The following CSMD1 variants were observed in gnomAD, a reference collection of about 807,000 sequenced individuals.
CSMD1 encodes the protein CUB and sushi domain-containing protein 1.
In CSMD1, 213 loss-of-function variants were observed where a neutral mutation model predicts 417.5. The ratio of observed to expected loss-of-function variants is 0.51; its 90% confidence interval spans 0.46 to 0.57. CSMD1 has a LOEUF of 0.57. Ranked by LOEUF, CSMD1 falls within the 20% of genes least tolerant of loss-of-function variation. CSMD1 has a pLI of 0.00. For synonymous variants in CSMD1, 2,862 were observed against 1,736.8 expected, an observed-to-expected ratio of 1.65 and a Z score of -16.11; for missense variants, 6,923 against 4,529.7, an observed-to-expected ratio of 1.53 and a Z score of -15.17.
rs972351180 is a variant in CSMD1 at position 4,724,696 on chromosome 8, A to G, written c.86-87138T>C. Among the ~76,000 whole-genome samples the G allele has an allele frequency of 2.0e-5, 3 of 152,112 alleles. No homozygotes were observed. The East Asian group carries it at 5.8e-4, about 29-fold the overall frequency. The stretch of plus-strand genomic sequence containing the variant: ...TTTGTATTTTAAATTATTGAACACC[A>G]TTCTAAAAGATGTATCTTGGTAAGA... On this transcript the variant is annotated intron_variant, in intron 1 of 69. Transcript: ENST00000635120.
chr8:4,325,805 T>A (rs982277630), intron 3 of CSMD1, among the ~76,000 whole-genome samples: 2 of 152,144 alleles, frequency 1.3e-5, no homozygotes, highest in African/African-American at 4.8e-5. Flanking sequence ...TTTAAAATGC[T>A]GATGACCCTG....
intron 3 of CSMD1, among the ~76,000 whole-genome samples, chr8:4,120,237 G>C (rs1802405257): frequency 6.6e-6 from 1 of 152,130 alleles, no homozygotes; most frequent in African/African-American, 2.4e-5. Flanking sequence ...TGACAGCCAT[G>C]ACTCCTGGGG....
At position 3,786,363 on chromosome 8, in the gene CSMD1, T is replaced by A. The variant is rs1240901837; in HGVS notation, c.819-32321A>T. ...ACTGAGACCACGGGCTTGGGTGACC[T>A]CATTTAGGGAGATACTAGAGTGAGA... On this transcript the variant is annotated intron_variant, in intron 5 of 69. Coordinates refer to ENST00000635120, the MANE Select transcript of CSMD1 (RefSeq NM_033225.6). Among the ~76,000 whole-genome samples, 3 of 152,070 alleles carry A rather than the reference T, an allele frequency of 2.0e-5. No individual in the cohort carries two copies. In the East Asian group the frequency reaches 5.8e-4, roughly 29 times the overall value.
At chr8:3,372,208 A>C (rs17393453) in intron 18 of CSMD1, among the ~76,000 whole-genome samples, 2 of 152,062 alleles carry the variant, frequency 1.3e-5, no homozygotes, top group South Asian at 2.1e-4. Flanking sequence ...GAGACAAAGG[A>C]AACAGTGAAT....
At chr8:4,834,919 T>C (rs1057132159) in intron 1 of CSMD1, among the ~76,000 whole-genome samples, 31 of 115,718 alleles carry the variant, frequency 2.7e-4, no homozygotes, top group Admixed American at 2.6e-4. Flanking sequence ...ATGGCGCCAC[T>C]GCACTCCAGC....
chr8:3,064,357 T>C (rs535636744), intron 49 of CSMD1, among the ~76,000 whole-genome samples: 5 of 152,310 alleles, frequency 3.3e-5, no homozygotes, highest in South Asian at 2.1e-4. Flanking sequence ...TTTGAAAGCC[T>C]GTGGCATTTC....
At chr8:3,712,141 T>G (rs761625461) in intron 6 of CSMD1, among the ~76,000 whole-genome samples, 109 of 122,926 alleles carry the variant, frequency 8.9e-4, no homozygotes, top group Non-Finnish European at 1.4e-3. Context: ...CTCTCCTGAG[T>G]TGTAATTTGT....
intron 2 of CSMD1, among the ~76,000 whole-genome samples, chr8:4,467,732 G>A (rs992636066): frequency 3.3e-5 from 5 of 152,186 alleles, no homozygotes; most frequent in Admixed American, 6.5e-5. Flanking sequence ...AAGCCCAATG[G>A]TAAAGCTAAA....
rs566624150 is a variant in CSMD1, at chr8:4,075,108, T to C, written c.416-43009A>G. On this transcript the variant is annotated intron_variant, in intron 3 of 69. Transcript: ENST00000635120. ...CAGTATTATTAGACAAAGAACAAAG[T>C]TGAATACAGTAAATATCAAAATGAT... Among the ~76,000 whole-genome samples, 46 of 152,204 alleles carry C rather than the reference T, an allele frequency of 3.0e-4. No individual in the cohort carries two copies. The South Asian group carries it at 9.5e-3, about 32-fold the overall frequency.
chr8:3,310,291 GA>G (rs1805225000), intron 23 of CSMD1, among the ~76,000 whole-genome samples: 1 of 152,168 alleles, frequency 6.6e-6, no homozygotes, highest in South Asian at 2.1e-4. Flanking sequence ...TGTTTTCGCA[GA>G]GAGGAAAAAA....
At chr8:3,621,801 G>T (rs1468932047) in intron 7 of CSMD1, among the ~76,000 whole-genome samples, 3 of 151,404 alleles carry the variant, frequency 2.0e-5, no homozygotes, top group Non-Finnish European at 4.4e-5. Flanking sequence ...TAGAAACAGG[G>T]TTTCACCATA....
At chr8:4,830,384 C>G (rs1216813224) in intron 1 of CSMD1, among the ~76,000 whole-genome samples, 2 of 152,174 alleles carry the variant, frequency 1.3e-5, no homozygotes, top group African/African-American at 4.8e-5. Flanking sequence ...AAAAATAACA[C>G]TTATCTGTAA....
intron 3 of CSMD1, among the ~76,000 whole-genome samples, chr8:4,281,727 G>T (rs1796795343): frequency 6.6e-6 from 1 of 152,060 alleles, no homozygotes. Flanking sequence ...ACATTAAACG[G>T]AATCAATGTA....
In CSMD1 at chr8:4,485,011, A is replaced by T. The variant is rs1018963872; in HGVS notation, c.303-64946T>A. 1.3e-4 allele frequency among the ~76,000 whole-genome samples: 18 copies of T among 135,538 alleles called. 1 individual carries two copies. Among genetic ancestry groups the T allele is most frequent in the South Asian group, 7.5e-4 (3 of 3,988 alleles). 88.9% of individuals were successfully genotyped at this position (135,538 alleles called of 152,430 possible). On this transcript the variant is annotated intron_variant, in intron 2 of 69. Transcript: ENST00000635120. ...AAAAAAAAAAAAAAAAAAAAAAAAA[A>T]AAAAAAAAAGAAAGAGTCACTATGA...
chr8:4,431,599 G>A (rs1482009977), intron 2 of CSMD1, among the ~76,000 whole-genome samples: 2 of 151,920 alleles, frequency 1.3e-5, no homozygotes, highest in East Asian at 3.9e-4. Flanking sequence ...ACCTCTTTGT[G>A]GCAAAAACCA....
intron 6 of CSMD1, among the ~76,000 whole-genome samples, chr8:3,727,810 C>T (rs1319777772): frequency 6.6e-6 from 1 of 152,144 alleles, no homozygotes; most frequent in African/African-American, 2.4e-5. Flanking sequence ...CAGGTACATG[C>T]CACAGATGGG....
chr8:3,220,437 G>T (rs527451067), intron 28 of CSMD1, among the ~76,000 whole-genome samples: 87 of 152,322 alleles, frequency 5.7e-4, no homozygotes, highest in Non-Finnish European at 1.1e-3. Flanking sequence ...TAGAGTCTCT[G>T]AGCTTTAAAA....
intron 21 of CSMD1, among the ~76,000 whole-genome samples, chr8:3,350,855 TAA>T (rs34280392): frequency 0.17 from 26,243 of 152,044 alleles, 2,259 homozygotes; most frequent in Middle Eastern, 0.25. Context: ...GGATTTTTTT[TAA>T]AAAAAGCAGA....
intron 6 of CSMD1, among the ~76,000 whole-genome samples, chr8:3,744,961 GAGGCCTTTTGTAGTAA>G (rs1161337073): frequency 1.3e-5 from 2 of 152,182 alleles, no homozygotes; most frequent in African/African-American, 4.8e-5. Flanking sequence ...GGACAGGGCT[GAGGCCTTTTGTAGTAA>G]AGCCTAGAGT....
Sources: gnomAD v4.1 joint callset for allele counts (sites outside exome capture counted in the v4.1 genomes callset) on GRCh38, gnomAD v4.1.1 for gene constraint, MANE v1.5 for transcripts, NCBI Gene and HGNC (gene_info 2026-07-23, HGNC 2026-07-21) for gene names.